Variants in ABCB1 observed in about 807,000 individuals in gnomAD.
ABCB1 encodes the protein ATP-dependent translocase ABCB1.
Under a neutral mutation model 142.0 loss-of-function variants are expected in ABCB1, and 69 were observed. The observed-to-expected ratio is 0.49, with a 90% CI of 0.40 to 0.59. ABCB1 has a LOEUF of 0.59. Among genes scored for constraint, ABCB1 ranks in the 20% least tolerant of loss-of-function variants. The pLI, the probability that ABCB1 is intolerant of heterozygous loss-of-function variation, is 0.00. For missense variants in ABCB1, 1,326 were observed against 1,554.7 expected, an observed-to-expected ratio of 0.85 and a Z score of 2.47; for synonymous variants, 532 against 539.2, an observed-to-expected ratio of 0.99 and a Z score of 0.18.
chr7:87,577,941 T>C (rs185359481), intron 4 of ABCB1, among the ~76,000 whole-genome samples: 30 of 152,290 alleles, frequency 2.0e-4, no homozygotes, highest in Admixed American at 8.5e-4. Context: ...CATTTGTCCA[T>C]TTTTGTTTTG....
chr7:87,512,098 C>G (rs1366385697), intron 25 of ABCB1, among the ~76,000 whole-genome samples: 1 of 151,580 alleles, frequency 6.6e-6, no homozygotes, highest in Admixed American at 6.6e-5. Flanking sequence ...GAAAAGGGAC[C>G]AGAATCTTTA....
At chr7:87,595,645 T>C (rs1421032280) in intron 3 of ABCB1, 121 bp downstream of exon 3, 1 of 770,674 alleles carries the variant, frequency 1.3e-6, no homozygotes, top group Non-Finnish European at 2.2e-6. Context: ...ACCAATTTAT[T>C]TTGCATCTCC....
intron 7 of ABCB1, chr7:87,565,483 TG>T (rs1271791522): frequency 8.8e-6 from 4 of 455,356 alleles, no homozygotes; most frequent in African/African-American, 2.0e-5. Context: ...GAGAGAGAGC[TG>T]AAGGCCAAGG....
At chr7:87,574,447 A>G (rs550895438) in intron 4 of ABCB1, among the ~76,000 whole-genome samples, 155 of 152,324 alleles carry the variant, frequency 1.0e-3, no homozygotes, top group African/African-American at 3.4e-3. Flanking sequence ...ATACAAAATA[A>G]AAGTTATGAT....
intron 7 of ABCB1, among the ~76,000 whole-genome samples, chr7:87,561,794 T>A (rs1318026734): frequency 6.6e-6 from 1 of 152,176 alleles, no homozygotes; most frequent in Non-Finnish European, 1.5e-5. Context: ...TAGACCAGCC[T>A]GGGCAGCATG....
chr7:87,550,403 A>G (rs1049267368), intron 11 of ABCB1, 65 bp downstream of exon 11: 2 of 1,602,748 alleles, frequency 1.2e-6, no homozygotes, highest in Non-Finnish European at 1.7e-6. Flanking sequence ...TATAATCTCT[A>G]CAAGAAAACA....
chr7:87,674,133 G>T (rs1037336943), intron 1 of ABCB1, among the ~76,000 whole-genome samples: 7 of 152,310 alleles, frequency 4.6e-5, no homozygotes, highest in South Asian at 2.1e-4. Context: ...CCTATGGGTG[G>T]TACCGGCCAA....
At chr7:87,627,163 AT>A (rs1215136833) in intron 1 of ABCB1, among the ~76,000 whole-genome samples, 1 of 152,182 alleles carries the variant, frequency 6.6e-6, no homozygotes, top group East Asian at 1.9e-4. Context: ...TTAAATAGAG[AT>A]TTTTAAACTT....
At chr7:87,586,464 A>G (rs1027768249) in intron 3 of ABCB1, among the ~76,000 whole-genome samples, 5 of 152,174 alleles carry the variant, frequency 3.3e-5, no homozygotes, top group Admixed American at 6.5e-5. Context: ...AAAGAAAACC[A>G]AAGGGAAAAA....
In ABCB1 at chr7:87,512,180, TA is replaced by T. The variant is rs113498569; in HGVS notation, c.3283-2700del. ...TCCACCTTTGTATCTAATTTTGCAT[TA>T]AAAAAAAAATTTTTTTTTTTTACTT... On this transcript the variant is annotated intron_variant, in intron 25 of 27. Coordinates refer to ENST00000622132, the MANE Select transcript of ABCB1 (RefSeq NM_001348946.2). Among the ~76,000 whole-genome samples, 391 of 128,876 alleles carry T rather than the reference TA, an allele frequency of 3.0e-3. 2 individuals carry two copies. The highest frequency in any genetic ancestry group is 3.5e-3 in the Non-Finnish European group (201 of 57,876). 84.5% of individuals were successfully genotyped at this position (128,876 alleles called of 152,430 possible).
At chr7:87,644,613 G>T (rs1313923232) in intron 1 of ABCB1, among the ~76,000 whole-genome samples, 2 of 152,066 alleles carry the variant, frequency 1.3e-5, no homozygotes, top group Admixed American at 1.3e-4. Flanking sequence ...TCCATATAAA[G>T]GGATATAACA....
chr7:87,536,200 C>T (rs1243429130), intron 20 of ABCB1, among the ~76,000 whole-genome samples: 1 of 152,134 alleles, frequency 6.6e-6, no homozygotes, highest in Non-Finnish European at 1.5e-5. Context: ...TTCTAAATAA[C>T]TATTCTACAT....
At chr7:87,610,604 C>T (rs1819818383) in intron 1 of ABCB1, among the ~76,000 whole-genome samples, 1 of 152,022 alleles carries the variant, frequency 6.6e-6, no homozygotes, top group South Asian at 2.1e-4. Context: ...GTCATGCAGG[C>T]TGGGTTTATC....
At chr7:87,589,091 G>A (rs540423668) in intron 3 of ABCB1, among the ~76,000 whole-genome samples, 1 of 152,174 alleles carries the variant, frequency 6.6e-6, no homozygotes, top group Non-Finnish European at 1.5e-5. Flanking sequence ...GAGAGAAGGG[G>A]GTGAGAAGAT....
At chr7:87,546,957 A>G (rs934087743) in intron 14 of ABCB1, among the ~76,000 whole-genome samples, 2 of 152,222 alleles carry the variant, frequency 1.3e-5, no homozygotes, top group African/African-American at 4.8e-5. Context: ...AGTACTCAAC[A>G]CTGTGCCTTA....
In ABCB1 at chr7:87,503,752, A is replaced by C. The variant is rs199654442; in HGVS notation, c.*491T>G. 8.0e-5 allele frequency: 16 copies of C among 199,648 alleles called. No individual in the cohort carries two copies. In the South Asian group the frequency reaches 1.4e-3, roughly 18 times the overall value. The allele number at this position is 199,648 out of a possible 1,614,324, so 12.4% of individuals were successfully genotyped here. ...TTATTTAAACTGCTTAACCATTCCC[A>C]CAAAAATGAGTAGGTATATTTAAAG... On this transcript the variant is annotated 3_prime_UTR_variant, in exon 28 of 28. Transcript: ENST00000622132.
At chr7:87,517,364 T>C (rs943801241) in intron 23 of ABCB1, among the ~76,000 whole-genome samples, 3 of 151,112 alleles carry the variant, frequency 2.0e-5, no homozygotes, top group Non-Finnish European at 1.5e-5. Context: ...CTCTCTCTCT[T>C]TCTCTCTCTC....
intron 1 of ABCB1, among the ~76,000 whole-genome samples, chr7:87,620,976 A>T (rs1413462210): frequency 1.3e-5 from 2 of 152,158 alleles, no homozygotes; most frequent in Non-Finnish European, 2.9e-5. Context: ...CCGAAACTCC[A>T]TGATAAAACT....
chr7:87,702,266 T>A (rs1004778086), intron 1 of ABCB1, among the ~76,000 whole-genome samples: 2 of 151,166 alleles, frequency 1.3e-5, no homozygotes, highest in African/African-American at 4.9e-5. Context: ...GGTTTATTGT[T>A]TTATTTTATT....
Sources: allele counts gnomAD v4.1 joint callset (sites outside exome capture counted in the v4.1 genomes callset), GRCh38; gene constraint gnomAD v4.1.1; transcripts MANE v1.5; gene names NCBI Gene and HGNC (gene_info 2026-07-23, HGNC 2026-07-21).